Variants in GPR107 observed in about 807,000 individuals in gnomAD.
The protein encoded by GPR107 is protein GPR107.
In GPR107, 31 loss-of-function variants were observed where a neutral mutation model predicts 75.5. The ratio of observed to expected loss-of-function variants is 0.41; its 90% CI spans 0.31 to 0.55. The LOEUF is 0.55. Ranked by LOEUF, GPR107 falls within the 20% of genes least tolerant of loss-of-function variation. The pLI is 0.26. For missense variants in GPR107, 572 were observed against 665.7 expected (o/e 0.86, Z 1.55); for synonymous variants, 267 against 251.3 (o/e 1.06, Z -0.59).
intron 14 of GPR107, among the ~76,000 whole-genome samples, chr9:130,119,196 T>C (rs1236632505): frequency 6.6e-6 from 1 of 152,168 alleles, no homozygotes; most frequent in Non-Finnish European, 1.5e-5. Flanking sequence ...TTCACCCTGC[T>C]CAGAGCGGGC....
chr9:130,119,800 G>A (rs931771845), intron 14 of GPR107, among the ~76,000 whole-genome samples: 8 of 147,510 alleles, frequency 5.4e-5, no homozygotes, highest in African/African-American at 1.5e-4. Context: ...ACGACTGGTG[G>A]GTTTTTATTT....
At chr9:130,100,480 C>T in intron 10 of GPR107, 149 bp from the exon 11 acceptor site, 1 of 657,784 alleles carries the variant, frequency 1.5e-6, no homozygotes, top group South Asian at 1.7e-5. Context: ...TTGAAAGTGG[C>T]CTCCTTGGAA....
chr9:130,080,439 A>G (rs936143152), intron 5 of GPR107, among the ~76,000 whole-genome samples: 1 of 152,048 alleles, frequency 6.6e-6, no homozygotes, highest in African/African-American at 2.4e-5. Context: ...AAAAAACAAA[A>G]TCCTAAAATG....
At position 130,090,892 on chromosome 9, in the gene GPR107, G is replaced by T. The variant is rs763971695; in HGVS notation, c.638G>T (p.Ser213Ile). 5.0e-6 allele frequency: 7 copies of T among 1,396,962 alleles called. No homozygotes were observed. The highest frequency in any genetic ancestry group is 7.1e-6 in the Non-Finnish European group (7 of 983,752). 86.5% of individuals were successfully genotyped at this position (1,396,962 alleles called of 1,614,324 possible). A position where few individuals can be genotyped will look rare whatever the true frequency, so the allele number is the denominator to read the frequency against. ...CACTTTCAGTTTTTCTTTAACATCA[G>T]CACTGATGACCAAGAAGGCCTTTAC... ...AVSFQFFFNI[S>I]TDDQEGLYSL... Residue 213 changes from serine (S) to isoleucine (I), a missense_variant, in exon 8 of 18, where the codon AGC becomes ATC. Ser to Ile is a moderately radical substitution (Grantham distance 142, BLOSUM62 -2). Transcript: ENST00000347136.
intron 13 of GPR107, among the ~76,000 whole-genome samples, chr9:130,106,181 G>C (rs1831150420): frequency 1.3e-5 from 2 of 152,116 alleles, no homozygotes; most frequent in Admixed American, 1.3e-4. Context: ...GCCATTTCCT[G>C]CCCCTTGTTA....
At chr9:130,132,217 G>A (rs1554899178) in intron 17 of GPR107, among the ~76,000 whole-genome samples, 1 of 152,080 alleles carries the variant, frequency 6.6e-6, no homozygotes, top group African/African-American at 2.4e-5. Flanking sequence ...CCATTCTCCC[G>A]GGCTCTAGAA....
chr9:130,089,346 C>A (rs969953247), intron 7 of GPR107, among the ~76,000 whole-genome samples: 3 of 152,168 alleles, frequency 2.0e-5, no homozygotes, highest in Non-Finnish European at 4.4e-5. Flanking sequence ...TCTTGGGATG[C>A]GTGGAGCAGG....
At chr9:130,083,288 C>G in intron 5 of GPR107, 1 of 255,552 alleles carries the variant, frequency 3.9e-6, no homozygotes, top group Non-Finnish European at 7.3e-6. Flanking sequence ...CATGTGGCCT[C>G]TCTGGCAATA....
In GPR107 at chr9:130,076,417, A is replaced by G; in HGVS notation, c.261A>G (p.Gly87=). ...NEPEDKDVTI[G]FSLDRTKNDG... is the part of the protein sequence containing the mutation. Reference sequence around the variant, plus strand: ...CTGTTTTTACTCCCCATTAGATTGGATTTAGCCTAGACCGTACAAAGAATG... The same window carrying G: ...CTGTTTTTACTCCCCATTAGATTGGGTTTAGCCTAGACCGTACAAAGAATG... The change falls in exon 3 of 18, where the codon GGA becomes GGG. Residue 87 remains glycine, a synonymous_variant. Coordinates refer to ENST00000347136, the MANE Select transcript of GPR107 (RefSeq NM_020960.5). The G allele has an allele frequency of 6.4e-7, 1 of 1,560,420 alleles. No homozygotes were observed. The highest frequency in any genetic ancestry group is 8.8e-7 in the Non-Finnish European group (1 of 1,130,908).
chr9:130,091,526 CTTTTTT>C (rs375016486), intron 8 of GPR107, among the ~76,000 whole-genome samples: 1 of 123,198 alleles, frequency 8.1e-6, no homozygotes, highest in Non-Finnish European at 1.7e-5. Flanking sequence ...CTGGTACTCA[CTTTTTT>C]TTTTTTTTTT....
intron 2 of GPR107, 33 bp downstream of exon 2, chr9:130,075,782 C>CTT (rs765916024): frequency 9.2e-6 from 8 of 871,764 alleles, no homozygotes; most frequent in Admixed American, 5.2e-5. Context: ...CAGGGGTTTA[C>CTT]TCTTTTTTTT....
chr9:130,126,880 T>G (rs1325741049), intron 15 of GPR107, among the ~76,000 whole-genome samples: 1 of 152,194 alleles, frequency 6.6e-6, no homozygotes, highest in Non-Finnish European at 1.5e-5. Flanking sequence ...GCAGTGATAA[T>G]GAGTGGTCCT....
At chr9:130,101,302 G>A (rs1257705535) in intron 12 of GPR107, 79 bp downstream of exon 12, 1 of 778,134 alleles carries the variant, frequency 1.3e-6, no homozygotes, top group African/African-American at 1.7e-5. Context: ...TATGGGAAGA[G>A]GGAGTCACCT....
intron 4 of GPR107, 94 bp from the exon 5 acceptor site, chr9:130,079,536 A>C: frequency 1.1e-6 from 1 of 899,890 alleles, no homozygotes; most frequent in South Asian, 1.8e-5. Flanking sequence ...CATGATAAGG[A>C]CTGCATGAGC....
intron 7 of GPR107, among the ~76,000 whole-genome samples, chr9:130,087,485 A>G (rs1021179515): frequency 2.6e-5 from 4 of 151,994 alleles, no homozygotes; most frequent in Non-Finnish European, 5.9e-5. Context: ...CCTGGGCAAC[A>G]TGGTGAAACA....
At chr9:130,100,807 G>A in intron 11 of GPR107, 105 bp downstream of exon 11, 1 of 788,308 alleles carries the variant, frequency 1.3e-6, no homozygotes, top group Non-Finnish European at 2.2e-6. Context: ...TCCTGTGGCA[G>A]CCTGTCTGGG....
chr9:130,135,233 C>A lies in GPR107; in HGVS notation c.*112C>A. On this transcript the variant is annotated 3_prime_UTR_variant, in exon 18 of 18. Transcript: ENST00000347136. ...GAACTATTGGCACCACCGACAGTGA[C>A]ACCAGGGCACATGGCTGGAGCACAG... 1.7e-6 allele frequency: 1 copy of A among 605,578 alleles called. No homozygotes were observed. Among genetic ancestry groups the A allele is most frequent in the Non-Finnish European group, 2.9e-6 (1 of 345,246 alleles). The allele number at this position is 605,578 out of a possible 1,614,324, so 37.5% of individuals were successfully genotyped here.
intron 12 of GPR107, 135 bp from the exon 13 acceptor site, chr9:130,104,285 C>G: frequency 1.5e-6 from 1 of 687,454 alleles, no homozygotes; most frequent in Non-Finnish European, 2.5e-6. Context: ...TCTGGAAGAG[C>G]ACGTGGGACT....
intron 1 of GPR107, among the ~76,000 whole-genome samples, chr9:130,069,929 C>T (rs932647747): frequency 2.7e-5 from 4 of 149,722 alleles, no homozygotes; most frequent in African/African-American, 7.4e-5. Context: ...GGTATCTGCC[C>T]ACCTTGGCCT....
Sources: allele counts gnomAD v4.1 joint callset (sites outside exome capture counted in the v4.1 genomes callset), GRCh38; gene constraint gnomAD v4.1.1; transcripts MANE v1.5; gene names NCBI Gene and HGNC (gene_info 2026-07-23, HGNC 2026-07-21).